Variants in SLF1 observed in about 807,000 individuals in gnomAD.
The protein encoded by SLF1 is SMC5-SMC6 complex localization factor protein 1.
In SLF1, 105 loss-of-function variants were observed where a neutral mutation model predicts 123.0. That is an observed-to-expected ratio of 0.85 (90% CI 0.73 to 1.00). The LOEUF (loss-of-function observed/expected upper bound fraction) is 1.00, where lower values mean the gene tolerates loss of function less well. Ranked by LOEUF, SLF1 falls within the 50% of genes least tolerant of loss-of-function variation. The pLI, the probability that SLF1 is intolerant of heterozygous loss-of-function variation, is 0.00. For synonymous variants in SLF1, 434 were observed against 406.6 expected, an observed-to-expected ratio of 1.07 and a Z score of -0.81; for missense variants, 1,239 against 1,223.0, an observed-to-expected ratio of 1.01 and a Z score of -0.20.
At position 94,689,655 on chromosome 5, in the gene SLF1, T is replaced by C. The variant is rs369787910; in HGVS notation, c.2419+49T>C. On this transcript the variant is annotated intron_variant, in intron 18 of 20. Transcript: ENST00000265140. ...TTATGCTAAGAACTTTTCATGGTTA[T>C]AGTCAGTACTTGCAGGTTTCACACA... 26 of 1,529,930 alleles carry C rather than the reference T, an allele frequency of 1.7e-5. No homozygotes were observed. The African/African-American group carries it at 3.6e-4, about 21-fold the overall frequency. 94.8% of individuals were successfully genotyped at this position (1,529,930 alleles called of 1,614,324 possible). A position where few individuals can be genotyped will look rare whatever the true frequency, so the allele number is the denominator to read the frequency against.
upstream of SLF1, chr5:94,618,286 A>T (rs1791134647): frequency 6.6e-6 from 1 of 152,248 alleles, no homozygotes; most frequent in South Asian, 2.1e-4. Flanking sequence ...TCGAGTTCCA[A>T]GTCGGAGACA....
At position 94,663,850 on chromosome 5, in the gene SLF1, A is replaced by G. The variant is rs1428216366; in HGVS notation, c.1310A>G (p.Gln437Arg). 6.4e-7 allele frequency: 1 copy of G among 1,551,004 alleles called. No individual in the cohort carries two copies. The highest frequency in any genetic ancestry group is 8.7e-7 in the Non-Finnish European group (1 of 1,146,760). The change falls in exon 11 of 21, where the codon CAG becomes CGG. Residue 437 changes from glutamine (Q) to arginine (R), a missense_variant. Coordinates refer to ENST00000265140, the MANE Select transcript of SLF1 (RefSeq NM_032290.4). ...KEAIEELSTLQAHYIPPVCVL... is the reference protein window; with the variant it reads ...KEAIEELSTLRAHYIPPVCVL... ...GCAATTGAGGAACTTTCCACTTTGCAGGCACATTATATCCCTCCTGTATGC... is the reference window on the plus strand; with the variant it reads ...GCAATTGAGGAACTTTCCACTTTGCGGGCACATTATATCCCTCCTGTATGC...
intron 7 of SLF1, among the ~76,000 whole-genome samples, chr5:94,652,173 A>G (rs949966123): frequency 6.6e-6 from 1 of 151,908 alleles, no homozygotes; most frequent in Non-Finnish European, 1.5e-5. Flanking sequence ...ACGCCTGGCT[A>G]ATTTTTGTAA....
At chr5:94,661,179 G>A (rs1406877759) in intron 9 of SLF1, among the ~76,000 whole-genome samples, 1 of 152,180 alleles carries the variant, frequency 6.6e-6, no homozygotes, top group African/African-American at 2.4e-5. Context: ...TGGACTCCAG[G>A]CAGCTTTCTA....
Position 94,624,468 on chromosome 5 carries a change from C to G in SLF1, c.1-4343C>G, listed in dbSNP as rs896199749. Among the ~76,000 whole-genome samples, 3 of 152,200 alleles carry G rather than the reference C, an allele frequency of 2.0e-5. No individual in the cohort carries two copies. In the South Asian group the frequency reaches 6.2e-4, roughly 32 times the overall value. On this transcript the variant is annotated intron_variant, in intron 1 of 20. Transcript: ENST00000265140. ...AGATGAAAACTGCTTTACACACTAA[C>G]TCCAGTAAATCCAAATAATTTAATA...
intron 4 of SLF1, among the ~76,000 whole-genome samples, chr5:94,641,488 T>C (rs1673734340): frequency 1.3e-5 from 2 of 152,176 alleles, no homozygotes; most frequent in Admixed American, 1.3e-4. Context: ...ACAGCTGAAT[T>C]TGAGTATTGT....
In SLF1 at chr5:94,662,801, G is replaced by A. The variant is rs184991311; in HGVS notation, c.1209+450G>A. On this transcript the variant is annotated intron_variant, in intron 10 of 20. Coordinates refer to ENST00000265140, the MANE Select transcript of SLF1 (RefSeq NM_032290.4). ...CTATTGTTAAATTAGGGAGGGAATC[G>A]GGCTTGAGGCCCTTGTTTCCTTGTT... Among the ~76,000 whole-genome samples, 60 of 152,272 alleles carry A rather than the reference G, an allele frequency of 3.9e-4. No homozygotes were observed. The East Asian group carries it at 8.1e-3, about 21-fold the overall frequency.
rs980263166 is a variant in SLF1, at chr5:94,670,867, G to C, written c.1686G>C (p.Gln562His). The C allele has an allele frequency of 5.8e-6, 9 of 1,549,628 alleles. No homozygotes were observed. Among genetic ancestry groups the C allele is most frequent in the Non-Finnish European group, 6.1e-6 (7 of 1,145,660 alleles). Residue 562 changes from glutamine to histidine, a missense_variant, in exon 14 of 21, where the codon CAG (glutamine) becomes CAC (histidine). Physicochemically the swap from Gln to His is conservative, Grantham distance 24 (BLOSUM62 0). Coordinates refer to ENST00000265140, the MANE Select transcript of SLF1 (RefSeq NM_032290.4). ...SQKLYDWSDS[Q>H]NLKITGKAML... Reference sequence around the variant, plus strand: ...GGTTGTATGACTGGTCAGATTCTCAGAATCTGAAAATAACAGGAAAGGCAA... The same window carrying C: ...GGTTGTATGACTGGTCAGATTCTCACAATCTGAAAATAACAGGAAAGGCAA...
At chr5:94,669,187 T>C (rs1219607557) in intron 12 of SLF1, among the ~76,000 whole-genome samples, 2 of 152,192 alleles carry the variant, frequency 1.3e-5, no homozygotes, top group Non-Finnish European at 2.9e-5. Flanking sequence ...TATTCCATAA[T>C]GCATAGAGAA....
At chr5:94,688,762 G>GATTA in intron 17 of SLF1, 93 bp downstream of exon 17, 1 of 1,405,968 alleles carries the variant, frequency 7.1e-7, no homozygotes. Flanking sequence ...CTGTGATACT[G>GATTA]TCTGAATTAT....
rs999242826 is a variant in SLF1, at chr5:94,679,606, C to A, written c.1975+651C>A. Among the ~76,000 whole-genome samples the A allele has an allele frequency of 7.9e-5, 12 of 151,080 alleles. No homozygotes were observed. The South Asian group carries it at 1.5e-3, about 19-fold the overall frequency. On this transcript the variant is annotated intron_variant, in intron 15 of 20. Transcript: ENST00000265140. ...GACCCTGTCTCTTTAAAAAAAAAAACAAACAAAAAAAACTTGCTACTATTT... is the reference window on the plus strand; with the variant it reads ...GACCCTGTCTCTTTAAAAAAAAAAAAAAACAAAAAAAACTTGCTACTATTT...
At position 94,687,690 on chromosome 5, in the gene SLF1, TCAACAACAACAA is replaced by T. The variant is rs142879632; in HGVS notation, c.2122-797_2122-786del. ...CTAGGTGGCACACTAAGACCCTGTC[TCAACAACAACAA>T]CAACAACAACAACAACAAAGAAAGA... On this transcript the variant is annotated intron_variant, in intron 16 of 20. Coordinates refer to ENST00000265140, the MANE Select transcript of SLF1 (RefSeq NM_032290.4). Among the ~76,000 whole-genome samples, 106 of 150,242 alleles carry T rather than the reference TCAACAACAACAA, an allele frequency of 7.1e-4. 1 individual carries two copies. The South Asian group carries it at 0.019, about 27-fold the overall frequency.
intron 9 of SLF1, among the ~76,000 whole-genome samples, chr5:94,657,561 C>T (rs1274809458): frequency 1.3e-5 from 2 of 151,964 alleles, no homozygotes; most frequent in Non-Finnish European, 2.9e-5. Context: ...TTCATTTGTT[C>T]TAAAGTGCAG....
At chr5:94,631,970 C>CT (rs1021934536) in intron 4 of SLF1, among the ~76,000 whole-genome samples, 2,358 of 108,658 alleles carry the variant, frequency 0.022, 52 homozygotes, top group African/African-American at 0.066. Context: ...TTTTTTCTTT[C>CT]TTTTTTTTTT....
chr5:94,624,681 T>C (rs1792075249), intron 1 of SLF1, among the ~76,000 whole-genome samples: 1 of 152,096 alleles, frequency 6.6e-6, no homozygotes, highest in Non-Finnish European at 1.5e-5. Context: ...TGGGTAACAG[T>C]GTTATAACAA....
At chr5:94,643,473 A>T (rs201583364) in intron 5 of SLF1, 38 bp downstream of exon 5, 10 of 1,310,650 alleles carry the variant, frequency 7.6e-6, no homozygotes, top group South Asian at 1.8e-5. Context: ...ATTTTGTTTC[A>T]TGTGTTCATT....
chr5:94,675,835 T>C (rs1750981550), intron 14 of SLF1, among the ~76,000 whole-genome samples: 3 of 152,006 alleles, frequency 2.0e-5, no homozygotes, highest in Non-Finnish European at 4.4e-5. Context: ...TATATTAATA[T>C]TCTATTGTGA....
At chr5:94,631,444 T>C (rs1371978996) in intron 4 of SLF1, among the ~76,000 whole-genome samples, 2 of 152,210 alleles carry the variant, frequency 1.3e-5, no homozygotes, top group Non-Finnish European at 2.9e-5. Flanking sequence ...CAACCACTAA[T>C]TTCCTTTTTA....
intron 14 of SLF1, among the ~76,000 whole-genome samples, chr5:94,674,876 C>A (rs1211192739): frequency 6.6e-6 from 1 of 152,106 alleles, no homozygotes; most frequent in African/African-American, 2.4e-5. Context: ...ATTGATAATT[C>A]TACAATATAG....
Sources: allele counts gnomAD v4.1 joint callset (sites outside exome capture counted in the v4.1 genomes callset), GRCh38; gene constraint gnomAD v4.1.1; transcripts MANE v1.5; gene names NCBI Gene and HGNC (gene_info 2026-07-23, HGNC 2026-07-21).